SYNPR: variants seen among roughly 807,000 people sequenced by gnomAD.
SYNPR encodes the protein synaptoporin.
In SYNPR, 23 loss-of-function variants were observed where a neutral mutation model predicts 32.9. That is an observed-to-expected ratio of 0.70 (90% CI 0.50 to 0.99). The LOEUF (loss-of-function observed/expected upper bound fraction) is 0.99. Ranked by LOEUF, SYNPR falls within the 50% of genes least tolerant of loss-of-function variation. The pLI is 0.00. For synonymous variants in SYNPR, 146 were observed against 135.9 expected (o/e 1.07, Z -0.52); for missense variants, 318 against 349.3 (o/e 0.91, Z 0.71).
At chr3:63,548,169 C>CTGAA (rs1259418717) in intron 3 of SYNPR, among the ~76,000 whole-genome samples, 2 of 152,104 alleles carry the variant, frequency 1.3e-5, no homozygotes, top group Non-Finnish European at 2.9e-5. Flanking sequence ...TAAATCTTTA[C>CTGAA]TGAATGAATG....
rs540669769 is a variant in SYNPR, at chr3:63,394,975, T to C, written c.85-85857T>C. On this transcript the variant is annotated intron_variant, in intron 2 of 5. Transcript: ENST00000478300. ...AGATACATCCATCAAAATAGACTTA[T>C]TATGCATCTACTAATATATACCACC... Among the ~76,000 whole-genome samples the C allele has an allele frequency of 2.0e-4, 30 of 152,276 alleles. 1 individual carries two copies. The East Asian group carries it at 5.6e-3, about 28-fold the overall frequency.
chr3:63,278,386 C>G lies in SYNPR; in HGVS notation c.-148C>G. On this transcript the variant is annotated 5_prime_UTR_variant, in exon 1 of 6. Transcript: ENST00000478300. ...AGCCCAGCGTTAGCGGGTGGGCTCC[C>G]CGAGGCCCCCTGCCCTCGCCGGGCT... is the stretch of plus-strand genomic sequence containing the variant. 9.4e-7 allele frequency: 1 copy of G among 1,061,078 alleles called. No individual in the cohort carries two copies. The allele number at this position is 1,061,078 out of a possible 1,614,324, so 65.7% of individuals were successfully genotyped here. A position where few individuals can be genotyped will look rare whatever the true frequency, so the allele number is the denominator to read the frequency against.
intron 2 of SYNPR, among the ~76,000 whole-genome samples, chr3:63,363,219 A>G (rs1461162101): frequency 6.6e-6 from 1 of 152,226 alleles, no homozygotes; most frequent in Non-Finnish European, 1.5e-5. Flanking sequence ...AGTAGAAAAT[A>G]TCAGCCTCTT....
intron 2 of SYNPR, among the ~76,000 whole-genome samples, chr3:63,418,092 A>G (rs1353199137): frequency 1.3e-5 from 2 of 152,144 alleles, no homozygotes; most frequent in Non-Finnish European, 2.9e-5. Context: ...TGCTTCCCTT[A>G]TGAAACTGAC....
chr3:63,517,192 G>A (rs938279251), intron 3 of SYNPR, among the ~76,000 whole-genome samples: 1 of 152,086 alleles, frequency 6.6e-6, no homozygotes, highest in Non-Finnish European at 1.5e-5. Flanking sequence ...CAACAACAAG[G>A]ACAACATAGC....
At chr3:63,219,648 T>G in the SYNPR span, among the ~76,000 whole-genome samples, 1 of 152,166 alleles carries the variant, frequency 6.6e-6, no homozygotes, top group African/African-American at 2.4e-5. Context: ...ATGGATTATA[T>G]ATACTGTATT....
At chr3:63,438,191 C>T (rs1473599043) in intron 2 of SYNPR, among the ~76,000 whole-genome samples, 1 of 152,166 alleles carries the variant, frequency 6.6e-6, no homozygotes, top group Non-Finnish European at 1.5e-5. Context: ...ACATTTTTAC[C>T]TGCTATTTTA....
At chr3:63,220,287 A>T in the SYNPR span, among the ~76,000 whole-genome samples, 1 of 152,238 alleles carries the variant, frequency 6.6e-6, no homozygotes, top group Non-Finnish European at 1.5e-5. Flanking sequence ...TATTTTGCAG[A>T]TAGTGATATC....
In SYNPR at chr3:63,476,580, A is replaced by G. The variant is rs890035431; in HGVS notation, c.85-4252A>G. Among the ~76,000 whole-genome samples, 5 of 152,244 alleles carry G rather than the reference A, an allele frequency of 3.3e-5. No homozygotes were observed. The East Asian group carries it at 9.7e-4, about 30-fold the overall frequency. On this transcript the variant is annotated intron_variant, in intron 2 of 5. Coordinates refer to ENST00000478300, the MANE Select transcript of SYNPR (RefSeq NM_001130003.2). ...GTGAAGAAGACTGGACCATTTGAGAATCAACTCTTACCGATGTGGCAAAAA... is the reference window on the plus strand; with the variant it reads ...GTGAAGAAGACTGGACCATTTGAGAGTCAACTCTTACCGATGTGGCAAAAA...
intron 4 of SYNPR, among the ~76,000 whole-genome samples, chr3:63,584,197 G>A (rs1432391430): frequency 6.6e-6 from 1 of 152,088 alleles, no homozygotes; most frequent in East Asian, 1.9e-4. Context: ...CTTAAGGAGG[G>A]CCTTCATTAG....
intron 2 of SYNPR, among the ~76,000 whole-genome samples, chr3:63,459,009 G>A (rs572813633): frequency 1.8e-4 from 27 of 151,810 alleles, no homozygotes; most frequent in African/African-American, 1.4e-4. Flanking sequence ...CTCCTCTCCC[G>A]TCACTTAAGT....
chr3:63,265,163 T>C (rs2086473761), intron 2 of SYNPR, among the ~76,000 whole-genome samples: 1 of 151,864 alleles, frequency 6.6e-6, no homozygotes, highest in Non-Finnish European at 1.5e-5. Context: ...GATATATGAG[T>C]CTTTCAAAAC....
chr3:63,386,820 G>A (rs1328611080), intron 2 of SYNPR, among the ~76,000 whole-genome samples: 2 of 152,224 alleles, frequency 1.3e-5, no homozygotes, highest in African/African-American at 2.4e-5. Flanking sequence ...TGGCACTGCT[G>A]TAGGTCAGCA....
intron 2 of SYNPR, among the ~76,000 whole-genome samples, chr3:63,430,023 C>G (rs962396334): frequency 1.3e-5 from 2 of 152,180 alleles, no homozygotes; most frequent in African/African-American, 4.8e-5. Flanking sequence ...GTATGAAAGG[C>G]TTGGTGACAT....
At chr3:63,580,541 C>T (rs894706788) in intron 4 of SYNPR, among the ~76,000 whole-genome samples, 2 of 151,824 alleles carry the variant, frequency 1.3e-5, no homozygotes, top group Non-Finnish European at 2.9e-5. Context: ...GACGTGGAAG[C>T]ATTAACCTAA....
At chr3:63,290,519 G>A (rs984219758) in intron 2 of SYNPR, among the ~76,000 whole-genome samples, 3 of 151,704 alleles carry the variant, frequency 2.0e-5, no homozygotes, top group Non-Finnish European at 4.4e-5. Flanking sequence ...TTTATTTCTC[G>A]AAAACACTCC....
At chr3:63,293,513 T>C (rs2086762486) in intron 2 of SYNPR, among the ~76,000 whole-genome samples, 2 of 152,204 alleles carry the variant, frequency 1.3e-5, no homozygotes. Flanking sequence ...AAATGATGTA[T>C]TAGTTTGCTA....
intron 2 of SYNPR, among the ~76,000 whole-genome samples, chr3:63,266,476 G>A (rs1160184263): frequency 1.3e-5 from 2 of 151,902 alleles, no homozygotes; most frequent in African/African-American, 4.8e-5. Context: ...GCCAAGGTGG[G>A]CAAATCACCT....
At chr3:63,445,220 T>G (rs1016197644) in intron 2 of SYNPR, among the ~76,000 whole-genome samples, 1 of 152,214 alleles carries the variant, frequency 6.6e-6, no homozygotes. Context: ...TTAATGAAAC[T>G]TGAGGTGGCA....
Sources: allele counts gnomAD v4.1 joint callset (sites outside exome capture counted in the v4.1 genomes callset), GRCh38; gene constraint gnomAD v4.1.1; transcripts MANE v1.5; gene names NCBI Gene and HGNC (gene_info 2026-07-23, HGNC 2026-07-21).